Variants in CBLIF observed in about 807,000 individuals in gnomAD.
CBLIF encodes cobalamin binding intrinsic factor.
Under a neutral mutation model 44.9 loss-of-function variants are expected in CBLIF, and 24 were observed. The ratio of observed to expected loss-of-function variants is 0.53; its 90% CI spans 0.39 to 0.75. The LOEUF is 0.75. Ranked by LOEUF, CBLIF falls within the 30% of genes least tolerant of loss-of-function variation. CBLIF has a pLI of 0.00. For synonymous variants in CBLIF, 183 were observed against 190.9 expected (o/e 0.96, Z 0.34); for missense variants, 481 against 513.0 (o/e 0.94, Z 0.60).
chr11:59,831,917 G>C, intron 7 of CBLIF, 121 bp from the exon 8 acceptor site: 1 of 686,366 alleles, frequency 1.5e-6, no homozygotes, highest in Non-Finnish European at 2.7e-6. Context: ...GACAAGGTGT[G>C]ACTTTGTTAC....
At chr11:59,834,386 CT>C (rs1160160822) in intron 7 of CBLIF, among the ~76,000 whole-genome samples, 4 of 125,016 alleles carry the variant, frequency 3.2e-5, no homozygotes, top group Non-Finnish European at 6.8e-5. Flanking sequence ...TCTTTCCTTC[CT>C]TTTTTTTGTT....
At position 59,842,410 on chromosome 11, in the gene CBLIF, G is replaced by A. The variant is rs1399651081; in HGVS notation, c.511+33C>T. On this transcript the variant is annotated intron_variant, in intron 4 of 8. Coordinates refer to ENST00000257248, the MANE Select transcript of CBLIF (RefSeq NM_005142.3). ...CCATTCAGTTCACGATGCCTCTGAT[G>A]TTCCCAGCTCGGGGTAGTGGTGACC... The A allele has an allele frequency of 3.7e-6, 6 of 1,611,516 alleles. No homozygotes were observed. In the African/African-American group the frequency reaches 4.0e-5, roughly 11 times the overall value.
At chr11:59,842,643 A>C (rs1262839575) in intron 3 of CBLIF, 60 bp from the exon 4 acceptor site, 1 of 1,545,266 alleles carries the variant, frequency 6.5e-7, no homozygotes, top group Admixed American at 1.7e-5. Flanking sequence ...GGACATTTGC[A>C]AAGAAGGAAA....
chr11:59,842,510 C>A lies in CBLIF; in HGVS notation c.444G>T (p.Glu148Asp). The part of the protein sequence containing the change: ...AILALCQKNS[E>D]ATLPIAVRFA... Reference sequence around the variant, plus strand: ...AGCGGACGGCTATCGGCAAGGTCGCCTCAGAGTTCTTCTGGCACAGTGCCA... The same window carrying A: ...AGCGGACGGCTATCGGCAAGGTCGCATCAGAGTTCTTCTGGCACAGTGCCA... The change falls in exon 4 of 9, where the codon GAG (glutamate) becomes GAT (aspartate). Residue 148 changes from glutamate (E) to aspartate (D), a missense_variant. By Grantham distance (45) the Glu-to-Asp change is conservative (BLOSUM62 2). Coordinates refer to ENST00000257248, the MANE Select transcript of CBLIF (RefSeq NM_005142.3). 1 of 1,613,964 alleles carries A rather than the reference C, an allele frequency of 6.2e-7. No homozygotes were observed. The highest frequency in any genetic ancestry group is 8.5e-7 in the Non-Finnish European group (1 of 1,180,036).
At chr11:59,838,797 A>C (rs2135091332) in intron 5 of CBLIF, among the ~76,000 whole-genome samples, 1 of 152,232 alleles carries the variant, frequency 6.6e-6, no homozygotes, top group South Asian at 2.1e-4. Context: ...AGACGTCATT[A>C]ATAACTTTCC....
chr11:59,844,090 C>A (rs748685506), intron 1 of CBLIF, 35 bp from the exon 2 acceptor site: 2 of 1,511,084 alleles, frequency 1.3e-6, no homozygotes, highest in Non-Finnish European at 1.8e-6. Context: ...CACCTTCTAA[C>A]CCTCATTCCT....
rs72931258 is a variant in CBLIF at position 59,834,362 on chromosome 11, C to G, written c.1073+1446G>C. Among the ~76,000 whole-genome samples, 973 of 134,924 alleles carry G rather than the reference C, an allele frequency of 7.2e-3. 13 individuals are homozygous for G. The highest frequency in any genetic ancestry group is 0.016 in the Middle Eastern group (4 of 258). The allele number at this position is 134,924 out of a possible 152,430, so 88.5% of individuals were successfully genotyped here. A position where few individuals can be genotyped will look rare whatever the true frequency, so the allele number is the denominator to read the frequency against. On this transcript the variant is annotated intron_variant, in intron 7 of 8. Transcript: ENST00000257248. ...TTTTTCTTTCTTTCTCTTTCTTTCT[C>G]TCTCTCAATTCCTTCTTTCCTTCCT...
chr11:59,843,607 C>T (rs926805625), intron 2 of CBLIF, among the ~76,000 whole-genome samples: 3 of 152,060 alleles, frequency 2.0e-5, no homozygotes, highest in Admixed American at 2.0e-4. Flanking sequence ...GTCTCAGATC[C>T]CAGAGTTATG....
At chr11:59,844,113 T>A in intron 1 of CBLIF, 58 bp from the exon 2 acceptor site, 1 of 1,284,564 alleles carries the variant, frequency 7.8e-7, no homozygotes, top group Non-Finnish European at 1.1e-6. Context: ...TCAAAAACAT[T>A]ATCCCCGTGT....
At chr11:59,842,309 C>A in intron 4 of CBLIF, 134 bp downstream of exon 4, 1 of 948,300 alleles carries the variant, frequency 1.1e-6, no homozygotes, top group Non-Finnish European at 1.7e-6. Flanking sequence ...TAAATATCTC[C>A]CATCCACAGG....
chr11:59,834,311 T>TCTTTCTTTCTTCCTTCCTTCCTTCCTTC (rs1555012146), intron 7 of CBLIF, among the ~76,000 whole-genome samples: 1 of 35,564 alleles, frequency 2.8e-5, no homozygotes, highest in African/African-American at 1.1e-4. Flanking sequence ...TTTCTTTCTT[T>TCTTTCTTTCTTCCTTCCTTCCTTCCTTC]CTTCCTTCCT....
intron 5 of CBLIF, among the ~76,000 whole-genome samples, chr11:59,839,127 G>A (rs1282009729): frequency 6.6e-6 from 1 of 152,142 alleles, no homozygotes; most frequent in African/African-American, 2.4e-5. Context: ...GGGATTACAG[G>A]TGTGAGCCAT....
intron 5 of CBLIF, 71 bp downstream of exon 5, chr11:59,841,072 C>G (rs1239196033): frequency 1.8e-6 from 2 of 1,086,202 alleles, no homozygotes; most frequent in Admixed American, 1.7e-5. Flanking sequence ...TTAGTAGAAG[C>G]CTGGCCTCTT....
At chr11:59,832,314 G>A (rs1866384621) in intron 7 of CBLIF, among the ~76,000 whole-genome samples, 1 of 152,062 alleles carries the variant, frequency 6.6e-6, no homozygotes, top group African/African-American at 2.4e-5. Flanking sequence ...ACACACACAG[G>A]GGCCTATCAG....
chr11:59,831,255 C>G (rs1866369401), intron 8 of CBLIF, among the ~76,000 whole-genome samples: 1 of 152,190 alleles, frequency 6.6e-6, no homozygotes, highest in Non-Finnish European at 1.5e-5. Flanking sequence ...ATTCCTCTCT[C>G]TGGAGATTTT....
chr11:59,843,318 TTAATC>T (rs1866562911), intron 2 of CBLIF, among the ~76,000 whole-genome samples, 177 bp from the exon 3 acceptor site: 2 of 152,236 alleles, frequency 1.3e-5, no homozygotes, highest in Non-Finnish European at 2.9e-5. Context: ...AAGGGAATAT[TTAATC>T]TAGTGGCCTC....
At chr11:59,844,896 G>A (rs189114349) in intron 1 of CBLIF, among the ~76,000 whole-genome samples, 291 of 152,188 alleles carry the variant, frequency 1.9e-3, no homozygotes, top group African/African-American at 6.4e-3. Context: ...CATCTAGGCT[G>A]GAGTGCAGTG....
intron 6 of CBLIF, 77 bp downstream of exon 6, chr11:59,837,097 G>A: frequency 9.1e-7 from 1 of 1,102,908 alleles, no homozygotes. Flanking sequence ...AAGCCTATAT[G>A]CCACTTAACA....
chr11:59,844,340 G>A (rs1463288051), intron 1 of CBLIF, among the ~76,000 whole-genome samples: 2 of 152,098 alleles, frequency 1.3e-5, no homozygotes, highest in African/African-American at 4.8e-5. Flanking sequence ...GTTTCACCAT[G>A]TTGGCCAGGG....
Sources: gnomAD v4.1 joint callset for allele counts (sites outside exome capture counted in the v4.1 genomes callset) on GRCh38, gnomAD v4.1.1 for gene constraint, MANE v1.5 for transcripts, NCBI Gene and HGNC (gene_info 2026-07-23, HGNC 2026-07-21) for gene names.